NPAT: variants seen among roughly 807,000 people sequenced by gnomAD.
The protein encoded by NPAT is nuclear protein, coactivator of histone transcription, also known as protein NPAT.
In NPAT, 52 loss-of-function variants were observed where a neutral mutation model predicts 130.7. That is an observed-to-expected ratio of 0.40 (90% CI 0.32 to 0.50). NPAT has a LOEUF of 0.50. Among genes scored for constraint, NPAT ranks in the 20% least tolerant of loss-of-function variants. The pLI, the probability that NPAT is intolerant of heterozygous loss-of-function variation, is 0.68. For missense variants in NPAT, 1,687 were observed against 1,662.6 expected (o/e 1.01, Z -0.26); for synonymous variants, 580 against 584.8 (o/e 0.99, Z 0.12).
Position 108,161,435 on chromosome 11 carries a change from A to G in NPAT, c.3651T>C (p.Asn1217=), listed in dbSNP as rs1159905276. 6.2e-7 allele frequency: 1 copy of G among 1,613,908 alleles called. No homozygotes were observed. The highest frequency in any genetic ancestry group is 8.5e-7 in the Non-Finnish European group (1 of 1,180,000). The change falls in exon 17 of 18, where the codon AAT becomes AAC. Residue 1217 remains asparagine (N), a synonymous_variant. Transcript: ENST00000278612. The stretch of plus-strand genomic sequence containing the variant: ...CTGTACCTACTGAAAGTACATTTTT[A>G]TTGTTTGAAGATGTGCCTTGTTTTT... ...MTKKQGTSSN[N]KNVLSVGTAV... is the part of the protein sequence containing the mutation.
chr11:108,168,602 G>A (rs1325586891), intron 15 of NPAT, among the ~76,000 whole-genome samples: 3 of 152,160 alleles, frequency 2.0e-5, no homozygotes, highest in East Asian at 3.8e-4. Context: ...GTTAAGTGCT[G>A]TAGCATAGGT....
chr11:108,197,217 T>G, intron 2 of NPAT, 85 bp downstream of exon 2: 1 of 1,010,090 alleles, frequency 9.9e-7, no homozygotes, highest in Non-Finnish European at 1.6e-6. Context: ...ATTTCAATTT[T>G]TTTTTTCTGA....
intron 15 of NPAT, among the ~76,000 whole-genome samples, chr11:108,165,988 T>A (rs1455434202): frequency 2.2e-5 from 2 of 90,944 alleles, no homozygotes; most frequent in Non-Finnish European, 4.3e-5. Context: ...CTCATTATGT[T>A]GCATAGGCTG....
intron 1 of NPAT, among the ~76,000 whole-genome samples, chr11:108,219,480 T>C (rs1456136943): frequency 1.3e-5 from 2 of 152,358 alleles, no homozygotes; most frequent in African/African-American, 2.4e-5. Context: ...GAATGGTTTC[T>C]ACTTTTTTTA....
chr11:108,190,749 A>G (rs574971683), intron 4 of NPAT, among the ~76,000 whole-genome samples: 65 of 152,332 alleles, frequency 4.3e-4, no homozygotes, highest in African/African-American at 1.6e-3. Flanking sequence ...CAATGTAATA[A>G]TGCATTAGAG....
Position 108,193,954 on chromosome 11 carries a change from T to TACC in NPAT, c.217_217+2dup. 6.5e-7 allele frequency: 1 copy of TACC among 1,545,854 alleles called. No individual in the cohort carries two copies. The highest frequency in any genetic ancestry group is 2.2e-5 in the East Asian group (1 of 44,462). On this transcript the variant is annotated splice_region_variant and intron_variant, in intron 3 of 17. Coordinates refer to ENST00000278612, the MANE Select transcript of NPAT (RefSeq NM_002519.3). ...CAAAAAAACTCCAAATCAGAACTCT[T>TACC]ACCTTTTGTTTTCATAGCTACATAC...
intron 15 of NPAT, 65 bp downstream of exon 15, chr11:108,169,679 G>T: frequency 1.8e-6 from 2 of 1,121,500 alleles, no homozygotes; most frequent in South Asian, 2.5e-5. Flanking sequence ...AAAACATTTA[G>T]GTGTTGCTGC....
At chr11:108,164,081 T>C (rs2077878541) in intron 15 of NPAT, among the ~76,000 whole-genome samples, 1 of 152,172 alleles carries the variant, frequency 6.6e-6, no homozygotes, top group Non-Finnish European at 1.5e-5. Context: ...GGAAGCAGAA[T>C]AGGTTATGTA....
intron 2 of NPAT, among the ~76,000 whole-genome samples, chr11:108,194,936 G>A (rs2078206064): frequency 6.6e-6 from 1 of 151,724 alleles, no homozygotes; most frequent in South Asian, 2.1e-4. Context: ...CGATTCTCCT[G>A]TCTCAGCCTC....
intron 1 of NPAT, among the ~76,000 whole-genome samples, chr11:108,207,682 G>A (rs1329732737): frequency 1.3e-5 from 2 of 152,234 alleles, no homozygotes; most frequent in Non-Finnish European, 2.9e-5. Context: ...GGAGAGGCCA[G>A]GCAGCGGGAG....
At position 108,161,596 on chromosome 11, in the gene NPAT, T is replaced by G; in HGVS notation, c.3490A>C (p.Thr1164Pro). 6.2e-7 allele frequency: 1 copy of G among 1,614,204 alleles called. No individual in the cohort carries two copies. ...CATAATTCATTCTCCTTATTAGCTGTTGCTTTATGGAAAGATTCAAGCACA... is the reference window on the plus strand; with the variant it reads ...CATAATTCATTCTCCTTATTAGCTGGTGCTTTATGGAAAGATTCAAGCACA... Reference protein sequence around the residue: ...EIVLESFHKATANKENELCSD... With the variant: ...EIVLESFHKAPANKENELCSD... Residue 1164 changes from threonine to proline, a missense_variant, in exon 17 of 18, where the codon ACA becomes CCA. Transcript: ENST00000278612.
chr11:108,158,889 AGTTT>A lies in NPAT; in HGVS notation c.*49_*52del. Reference sequence around the variant, plus strand: ...TGTCAATATCCCATTCCCTACACTCAGTTTAAGGGATATGAGTTTTTAACACCTA... The same window carrying A: ...TGTCAATATCCCATTCCCTACACTCAAAGGGATATGAGTTTTTAACACCTA... On this transcript the variant is annotated 3_prime_UTR_variant, in exon 18 of 18. Coordinates refer to ENST00000278612, the MANE Select transcript of NPAT (RefSeq NM_002519.3). 9.9e-7 allele frequency: 1 copy of A among 1,011,960 alleles called. No individual in the cohort carries two copies. The highest frequency in any genetic ancestry group is 2.4e-5 in the East Asian group (1 of 41,986). The allele number at this position is 1,011,960 out of a possible 1,614,324, so 62.7% of individuals were successfully genotyped here.
In NPAT at chr11:108,161,130, G is replaced by C; in HGVS notation, c.3956C>G (p.Ala1319Gly). 1 of 1,614,152 alleles carries C rather than the reference G, an allele frequency of 6.2e-7. No individual in the cohort carries two copies. The highest frequency in any genetic ancestry group is 8.5e-7 in the Non-Finnish European group (1 of 1,180,024). The change falls in exon 17 of 18, where the codon GCC (alanine) becomes GGC (glycine). Residue 1319 changes from alanine (A) to glycine (G), a missense_variant. Ala to Gly is a moderately conservative substitution (Grantham distance 60, BLOSUM62 0). Transcript: ENST00000278612. ...ACTGTTTTCACTTCCTGTTTCACTG[G>C]CAGGGCTGCAGGCAGGCAAGTCTGG... ...VTPDLPACSP[A>G]SETGSENSVN...
At chr11:108,220,227 T>C (rs1432815101) in intron 1 of NPAT, among the ~76,000 whole-genome samples, 1 of 152,058 alleles carries the variant, frequency 6.6e-6, no homozygotes, top group Non-Finnish European at 1.5e-5. Context: ...AAGGGCTACT[T>C]AAGTGGAGTA....
intron 15 of NPAT, among the ~76,000 whole-genome samples, chr11:108,166,237 CAA>C (rs1395543926): frequency 6.6e-6 from 1 of 151,916 alleles, no homozygotes; most frequent in Non-Finnish European, 1.5e-5. Flanking sequence ...ACTAAAAATA[CAA>C]AAATTAGCTG....
chr11:108,192,213 C>T, intron 3 of NPAT, 23 bp from the exon 4 acceptor site: 1 of 1,453,792 alleles, frequency 6.9e-7, no homozygotes, highest in East Asian at 2.3e-5. Flanking sequence ...AGAAAAGGTT[C>T]TTAATAAACC....
chr11:108,198,863 C>T (rs1383689561), intron 1 of NPAT, among the ~76,000 whole-genome samples: 2 of 152,184 alleles, frequency 1.3e-5, no homozygotes, highest in South Asian at 2.1e-4. Flanking sequence ...TTGCTCACTC[C>T]CCAGTGTCCA....
chr11:108,180,404 ATAACT>A (rs967530078), intron 10 of NPAT, among the ~76,000 whole-genome samples: 9 of 152,238 alleles, frequency 5.9e-5, no homozygotes, highest in South Asian at 2.1e-4. Flanking sequence ...CAATGAACAA[ATAACT>A]TAAACAGACA....
At chr11:108,218,903 T>C (rs927414830) in intron 1 of NPAT, among the ~76,000 whole-genome samples, 3 of 152,222 alleles carry the variant, frequency 2.0e-5, no homozygotes, top group South Asian at 2.1e-4. Context: ...TGAGTACATA[T>C]ATTATTAAAT....
Sources: gnomAD v4.1 joint callset for allele counts (sites outside exome capture counted in the v4.1 genomes callset) on GRCh38, gnomAD v4.1.1 for gene constraint, MANE v1.5 for transcripts, NCBI Gene and HGNC (gene_info 2026-07-23, HGNC 2026-07-21) for gene names.